The following DLG2 variants were observed in gnomAD, a reference collection of about 807,000 sequenced individuals.
The protein encoded by DLG2 is discs large MAGUK scaffold protein 2, also known as disks large homolog 2.
DLG2 carries 45 observed loss-of-function variants against 132.5 expected under a neutral mutation model. The observed-to-expected ratio is 0.34, with a 90% CI of 0.27 to 0.44. The LOEUF (loss-of-function observed/expected upper bound fraction) is 0.44. DLG2 is among the 20% of genes least tolerant of loss of function. DLG2 has a pLI of 1.00. For missense variants in DLG2, 1,045 were observed against 1,196.9 expected (o/e 0.87, Z 1.87); for synonymous variants, 424 against 419.6 (o/e 1.01, Z -0.13).
At chr11:84,719,876 G>A (rs545596718) in intron 6 of DLG2, among the ~76,000 whole-genome samples, 3 of 151,934 alleles carry the variant, frequency 2.0e-5, no homozygotes, top group African/African-American at 4.8e-5. Flanking sequence ...AGAGTTCATC[G>A]ACCACCCCAC....
chr11:85,009,596 A>G (rs1383311806), intron 6 of DLG2, among the ~76,000 whole-genome samples: 2 of 152,132 alleles, frequency 1.3e-5, no homozygotes, highest in Middle Eastern at 3.2e-3. Context: ...CATTTAATGT[A>G]GAAACTTTTT....
chr11:84,428,176 A>C (rs1336099411), intron 7 of DLG2, among the ~76,000 whole-genome samples: 1 of 152,186 alleles, frequency 6.6e-6, no homozygotes, highest in African/African-American at 2.4e-5. Flanking sequence ...CCTTTTTAAA[A>C]AATATATTAC....
chr11:83,652,677 G>A (rs1472042002), intron 18 of DLG2, among the ~76,000 whole-genome samples: 1 of 152,134 alleles, frequency 6.6e-6, no homozygotes, highest in Non-Finnish European at 1.5e-5. Flanking sequence ...TAGCCTAGAT[G>A]TGTGTTTTTT....
intron 7 of DLG2, among the ~76,000 whole-genome samples, chr11:84,374,483 G>A (rs1473662519): frequency 6.6e-6 from 1 of 152,096 alleles, no homozygotes; most frequent in Non-Finnish European, 1.5e-5. Context: ...TTTTTAATCT[G>A]TGATTTTTTT....
Position 84,115,551 on chromosome 11 carries a change from C to A in DLG2, c.625-16504G>T, listed in dbSNP as rs144813146. Among the ~76,000 whole-genome samples, 8 of 152,326 alleles carry A rather than the reference C, an allele frequency of 5.3e-5. No individual in the cohort carries two copies. In the East Asian group the frequency reaches 1.4e-3, roughly 26 times the overall value. ...CTCTTTGACTTCTTGTATCCTTCTT[C>A]TCCCTTACTAGACTGCAATTATCAT... On this transcript the variant is annotated intron_variant, in intron 9 of 27. Transcript: ENST00000376104.
intron 7 of DLG2, among the ~76,000 whole-genome samples, chr11:84,469,951 CTA>C (rs2099104428): frequency 6.6e-6 from 1 of 151,744 alleles, no homozygotes; most frequent in Admixed American, 6.6e-5. Flanking sequence ...CACATTGAGA[CTA>C]TGTAATATAG....
chr11:83,727,920 T>C (rs2090317285), intron 18 of DLG2, among the ~76,000 whole-genome samples: 1 of 152,232 alleles, frequency 6.6e-6, no homozygotes, highest in African/African-American at 2.4e-5. Context: ...ATTATACAGC[T>C]GAAGTCATAC....
intron 14 of DLG2, among the ~76,000 whole-genome samples, chr11:83,942,472 C>A (rs138900361): frequency 1.4e-3 from 218 of 152,242 alleles, no homozygotes; most frequent in African/African-American, 5.1e-3. Context: ...TGTTCAATAT[C>A]ATTTATGAAT....
chr11:85,331,186 C>T (rs779649081), intron 3 of DLG2, among the ~76,000 whole-genome samples: 1 of 152,194 alleles, frequency 6.6e-6, no homozygotes, highest in Middle Eastern at 3.4e-3. Context: ...TTGTCATGGC[C>T]TATGGACATG....
chr11:84,355,527 G>C (rs1296475453), intron 7 of DLG2, among the ~76,000 whole-genome samples: 1 of 152,020 alleles, frequency 6.6e-6, no homozygotes, highest in African/African-American at 2.4e-5. Flanking sequence ...CAAATCAGCT[G>C]GTAGCTTGAT....
At chr11:85,346,815 G>T (rs2082883461) in intron 3 of DLG2, among the ~76,000 whole-genome samples, 1 of 151,458 alleles carries the variant, frequency 6.6e-6, no homozygotes, top group South Asian at 2.1e-4. Context: ...GGCAAATAAT[G>T]GTGAGGCATC....
At chr11:85,375,898 T>C (rs764138490) in intron 3 of DLG2, among the ~76,000 whole-genome samples, 10 of 152,208 alleles carry the variant, frequency 6.6e-5, no homozygotes, top group Non-Finnish European at 1.5e-4. Flanking sequence ...CAAGATAAGA[T>C]ATTTAGAGAT....
At chr11:84,256,652 T>C (rs1488542862) in intron 7 of DLG2, among the ~76,000 whole-genome samples, 2 of 152,206 alleles carry the variant, frequency 1.3e-5, no homozygotes, top group Non-Finnish European at 2.9e-5. Flanking sequence ...CTTTGGCTTA[T>C]CTTATCAGCC....
intron 8 of DLG2, among the ~76,000 whole-genome samples, chr11:84,197,036 C>CAAAAAAAAAAAAAAAAAAAAAAA (rs60877284): frequency 3.4e-5 from 3 of 87,926 alleles, no homozygotes; most frequent in South Asian, 4.6e-4. Context: ...GACTCTTTCT[C>CAAAAAAAAAAAAAAAAAAAAAAA]AAAAAAAAAA....
chr11:85,298,396 G>A (rs964489975), intron 3 of DLG2, among the ~76,000 whole-genome samples: 1 of 152,124 alleles, frequency 6.6e-6, no homozygotes, highest in African/African-American at 2.4e-5. Flanking sequence ...CTTCAATTGT[G>A]TGCTCAGAGT....
chr11:84,317,148 T>G (rs753081261), intron 7 of DLG2: 7 of 1,605,394 alleles, frequency 4.4e-6, no homozygotes, highest in Non-Finnish European at 6.0e-6. Flanking sequence ...GCATTCATAC[T>G]GCACTGATGC....
chr11:83,824,313 C>T (rs1398480102), intron 17 of DLG2, among the ~76,000 whole-genome samples: 1 of 152,074 alleles, frequency 6.6e-6, no homozygotes, highest in Non-Finnish European at 1.5e-5. Context: ...CTGGAACTTA[C>T]CGTTAGCATT....
rs188069723 is a variant in DLG2 at position 84,454,689 on chromosome 11, A to T, written c.519+79881T>A. On this transcript the variant is annotated intron_variant, in intron 7 of 27. Coordinates refer to ENST00000376104, the MANE Select transcript of DLG2 (RefSeq NM_001142699.3). Reference sequence around the variant, plus strand: ...CCATATTATTTACATGAGCAAAAGCATGGACAAATCTCCAAATAATCCAGC... The same window carrying T: ...CCATATTATTTACATGAGCAAAAGCTTGGACAAATCTCCAAATAATCCAGC... Among the ~76,000 whole-genome samples the T allele has an allele frequency of 5.9e-5, 9 of 151,660 alleles. No homozygotes were observed. The East Asian group carries it at 1.8e-3, about 29-fold the overall frequency.
intron 7 of DLG2, among the ~76,000 whole-genome samples, chr11:84,397,151 C>A (rs548920291): frequency 7.2e-5 from 11 of 152,104 alleles, no homozygotes; most frequent in African/African-American, 2.7e-4. Context: ...AGGAAAAAGA[C>A]CTCAAGGAGG....
Sources: gnomAD v4.1 joint callset for allele counts (sites outside exome capture counted in the v4.1 genomes callset) on GRCh38, gnomAD v4.1.1 for gene constraint, MANE v1.5 for transcripts, NCBI Gene and HGNC (gene_info 2026-07-23, HGNC 2026-07-21) for gene names.